The following NLGN1 variants were observed in gnomAD, a reference collection of about 807,000 sequenced individuals.
The protein encoded by NLGN1 is neuroligin 1.
A neutral mutation model predicts 65.5 loss-of-function variants in NLGN1; 12 were observed. The ratio of observed to expected loss-of-function variants is 0.18; its 90% CI spans 0.12 to 0.30. The LOEUF is 0.30. Ranked by LOEUF, NLGN1 falls within the 10% of genes least tolerant of loss-of-function variation. The pLI is 1.00. For missense variants in NLGN1, 750 were observed against 1,007.1 expected (o/e 0.74, Z 3.46); for synonymous variants, 350 against 359.5 (o/e 0.97, Z 0.30).
chr3:173,517,618 T>C (rs1440464213), intron 2 of NLGN1, among the ~76,000 whole-genome samples: 2 of 152,160 alleles, frequency 1.3e-5, no homozygotes, highest in Non-Finnish European at 2.9e-5. Context: ...ATTCCTGTGA[T>C]TAGTTTTCTT....
At chr3:173,685,828 A>G (rs1376304758) in intron 3 of NLGN1, 1 of 977,086 alleles carries the variant, frequency 1.0e-6, no homozygotes, top group Non-Finnish European at 1.2e-6. Context: ...GAATATGGAG[A>G]TATCATTTAC....
chr3:173,733,136 GTCT>G (rs1292226133), intron 3 of NLGN1, among the ~76,000 whole-genome samples: 3 of 152,076 alleles, frequency 2.0e-5, no homozygotes, highest in African/African-American at 7.2e-5. Context: ...AAAATCAGTA[GTCT>G]TCTTGCTTCA....
chr3:173,553,282 T>A (rs1448869235), intron 2 of NLGN1, among the ~76,000 whole-genome samples: 2 of 152,180 alleles, frequency 1.3e-5, no homozygotes, highest in Non-Finnish European at 2.9e-5. Flanking sequence ...TTACTAAGCC[T>A]GATCCCAAGA....
At chr3:174,143,479 A>G (rs1722662121) in intron 4 of NLGN1, among the ~76,000 whole-genome samples, 1 of 152,238 alleles carries the variant, frequency 6.6e-6, no homozygotes, top group Admixed American at 6.5e-5. Context: ...GCCTTTCATA[A>G]TCTCTGTATT....
chr3:173,815,846 T>C (rs1159126233), intron 4 of NLGN1, among the ~76,000 whole-genome samples: 1 of 152,134 alleles, frequency 6.6e-6, no homozygotes, highest in Admixed American at 6.6e-5. Flanking sequence ...AGATGTTTAA[T>C]GAATATCTTA....
At chr3:173,599,617 T>G (rs998443195) in intron 2 of NLGN1, among the ~76,000 whole-genome samples, 2 of 152,150 alleles carry the variant, frequency 1.3e-5, no homozygotes, top group Non-Finnish European at 2.9e-5. Flanking sequence ...TATTACTAAG[T>G]CCATTTTTAT....
chr3:173,934,405 A>G (rs1744683791), intron 4 of NLGN1, among the ~76,000 whole-genome samples: 1 of 151,644 alleles, frequency 6.6e-6, no homozygotes, highest in Non-Finnish European at 1.5e-5. Flanking sequence ...GAAAAAGTGA[A>G]TAATGACGTC....
rs187172414 is a variant in NLGN1 at position 173,717,924 on chromosome 3, T to C, written c.494-89756T>C. On this transcript the variant is annotated intron_variant, in intron 3 of 6. Coordinates refer to ENST00000457714, the Ensembl canonical transcript of NLGN1. Reference sequence around the variant, plus strand: ...CAAGGGTAAGGGTGCTTATTAGTGATGTAGGTACAAGGGTAAGAGTGTTAC... The same window carrying C: ...CAAGGGTAAGGGTGCTTATTAGTGACGTAGGTACAAGGGTAAGAGTGTTAC... Among the ~76,000 whole-genome samples, 89 of 152,310 alleles carry C rather than the reference T, an allele frequency of 5.8e-4. 1 individual carries two copies. In the East Asian group the frequency reaches 0.011, roughly 19 times the overall value.
At chr3:173,712,878 G>A (rs1423413282) in intron 3 of NLGN1, among the ~76,000 whole-genome samples, 2 of 151,814 alleles carry the variant, frequency 1.3e-5, no homozygotes, top group Non-Finnish European at 2.9e-5. Context: ...GGTTGGTTGG[G>A]GTACAGAAAA....
At chr3:173,976,024 T>C (rs973928315) in intron 4 of NLGN1, among the ~76,000 whole-genome samples, 2 of 151,992 alleles carry the variant, frequency 1.3e-5, no homozygotes, top group African/African-American at 4.8e-5. Context: ...GTGGGCTAGG[T>C]GGTTATAAAT....
chr3:173,872,296 C>A (rs1053967116), intron 4 of NLGN1, among the ~76,000 whole-genome samples: 3 of 152,166 alleles, frequency 2.0e-5, no homozygotes, highest in African/African-American at 7.2e-5. Context: ...TTTTCTAATG[C>A]GTCCCCAGTG....
intron 4 of NLGN1, among the ~76,000 whole-genome samples, chr3:174,259,140 T>C (rs1746356965): frequency 6.6e-6 from 1 of 152,188 alleles, no homozygotes; most frequent in African/African-American, 2.4e-5. Context: ...AAATAAAATA[T>C]GGAAAATAAT....
intron 3 of NLGN1, among the ~76,000 whole-genome samples, chr3:173,791,936 G>T (rs80195420): frequency 0.032 from 4,937 of 152,138 alleles, 123 homozygotes; most frequent in African/African-American, 0.073. Context: ...ATGAATCTGG[G>T]CACATGACCA....
rs943695946 is a variant in NLGN1, at chr3:174,113,742, A to C, written c.647-161573A>C. On this transcript the variant is annotated intron_variant, in intron 4 of 6. Transcript: ENST00000457714. ...GTAAAATGATTCTTGAATAGGTCTT[A>C]AGATAATGCCTAACATTTAGAAAAT... 1.8e-4 allele frequency among the ~76,000 whole-genome samples: 27 copies of C among 152,136 alleles called. 1 individual carries two copies. The highest frequency in any genetic ancestry group is 1.5e-5 in the Non-Finnish European group (1 of 67,984).
At chr3:174,262,824 T>A (rs1404695381) in intron 4 of NLGN1, among the ~76,000 whole-genome samples, 1 of 89,886 alleles carries the variant, frequency 1.1e-5, no homozygotes, top group Non-Finnish European at 2.2e-5. Flanking sequence ...GGGCATTTAG[T>A]GCTATAAATT....
chr3:173,603,123 C>G (rs1036452799), intron 2 of NLGN1, among the ~76,000 whole-genome samples: 1 of 152,106 alleles, frequency 6.6e-6, no homozygotes, highest in African/African-American at 2.4e-5. Flanking sequence ...CACTGCCAGA[C>G]CAACACTTCT....
At chr3:174,071,191 GT>G (rs1223961620) in intron 4 of NLGN1, among the ~76,000 whole-genome samples, 2 of 152,154 alleles carry the variant, frequency 1.3e-5, no homozygotes, top group African/African-American at 4.8e-5. Flanking sequence ...GCAGCTTTTA[GT>G]TTTTTGACAC....
intron 4 of NLGN1, among the ~76,000 whole-genome samples, chr3:174,203,594 G>A (rs1169147680): frequency 6.6e-6 from 1 of 152,082 alleles, no homozygotes; most frequent in African/African-American, 2.4e-5. Flanking sequence ...TACATTCAGG[G>A]CACCCACATC....
At chr3:173,884,893 T>C (rs553731005) in intron 4 of NLGN1, among the ~76,000 whole-genome samples, 1 of 152,226 alleles carries the variant, frequency 6.6e-6, no homozygotes, top group South Asian at 2.1e-4. Flanking sequence ...CTTGTTGAGA[T>C]AGCCTCTGAA....
Sources: allele counts gnomAD v4.1 joint callset (sites outside exome capture counted in the v4.1 genomes callset), GRCh38; gene constraint gnomAD v4.1.1; transcripts MANE v1.5; gene names NCBI Gene and HGNC (gene_info 2026-07-23, HGNC 2026-07-21).